The following RRP12 variants were observed in gnomAD, a reference collection of about 807,000 sequenced individuals.
RRP12 encodes RRP12-like protein.
A neutral mutation model predicts 157.3 loss-of-function variants in RRP12; 78 were observed. The observed-to-expected ratio is 0.50, with a 90% CI of 0.41 to 0.60. RRP12 has a LOEUF of 0.60. Among genes scored for constraint, RRP12 ranks in the 20% least tolerant of loss-of-function variants. The probability of loss-of-function intolerance (pLI) is 0.00; values close to 1 mark genes in which losing one functional copy is unlikely to be tolerated. For synonymous variants in RRP12, 726 were observed against 670.9 expected (o/e 1.08, Z -1.27); for missense variants, 1,521 against 1,679.9 (o/e 0.91, Z 1.65).
At position 97,397,103 on chromosome 10, in the gene RRP12, A is replaced by G. The variant is rs557964492; in HGVS notation, c.370-802T>C. 2.0e-5 allele frequency among the ~76,000 whole-genome samples: 3 copies of G among 151,946 alleles called. No homozygotes were observed. The East Asian group carries it at 5.9e-4, about 30-fold the overall frequency. ...AAATCATCTCTAGATTACTGGTAAC[A>G]CCTAACACAATGTAAATGCTATATA... On this transcript the variant is annotated intron_variant, in intron 2 of 33. Transcript: ENST00000370992.
At chr10:97,367,266 C>G (rs1277593404) in intron 25 of RRP12, 134 bp from the exon 26 acceptor site, 1 of 707,322 alleles carries the variant, frequency 1.4e-6, no homozygotes, top group Non-Finnish European at 2.4e-6. Context: ...GCTCCTGGCC[C>G]ACACCCTGGC....
intron 3 of RRP12, among the ~76,000 whole-genome samples, chr10:97,394,890 C>A (rs565596395): frequency 4.7e-4 from 72 of 152,026 alleles, no homozygotes; most frequent in African/African-American, 1.7e-3. Context: ...TGCCTGTAAT[C>A]CCAGCACTTT....
rs774473642 is a variant in RRP12 at position 97,371,086 on chromosome 10, C to G, written c.2344-5G>C. The G allele has an allele frequency of 6.2e-7, 1 of 1,612,698 alleles. No homozygotes were observed. Among genetic ancestry groups the G allele is most frequent in the African/African-American group, 1.3e-5 (1 of 74,916 alleles). On this transcript the variant is annotated splice_region_variant and splice_polypyrimidine_tract_variant and intron_variant, in intron 20 of 33. Coordinates refer to ENST00000370992, the MANE Select transcript of RRP12 (RefSeq NM_015179.4). ...CTGCACCCCGTGGGCCTTGCTCTGG[C>G]AGACAGGAACCGGTGAGGGAGGCCT...
At chr10:97,376,317 C>T (rs776224466) in intron 15 of RRP12, among the ~76,000 whole-genome samples, 3 of 142,864 alleles carry the variant, frequency 2.1e-5, no homozygotes, top group Non-Finnish European at 4.5e-5. Context: ...TGGGTGCAAA[C>T]GATTGTCCTG....
Position 97,381,833 on chromosome 10 carries a change from A to G in RRP12, c.1209-7T>C. ...CCCCAGGTCCCACTGCAACCTGTCAAGACAAAAGGTTTCTGTGGGGCCTGG... is the reference window on the plus strand; with the variant it reads ...CCCCAGGTCCCACTGCAACCTGTCAGGACAAAAGGTTTCTGTGGGGCCTGG... On this transcript the variant is annotated splice_polypyrimidine_tract_variant and splice_region_variant and intron_variant, in intron 10 of 33. Coordinates refer to ENST00000370992, the MANE Select transcript of RRP12 (RefSeq NM_015179.4). 6.2e-7 allele frequency: 1 copy of G among 1,610,884 alleles called. No individual in the cohort carries two copies. The highest frequency in any genetic ancestry group is 1.7e-5 in the Admixed American group (1 of 59,984).
rs773214919 is a variant in RRP12 at position 97,393,978 on chromosome 10, A to ATG, written c.454-219_454-218insCA. On this transcript the variant is annotated intron_variant, in intron 3 of 33. Transcript: ENST00000370992. ...TGTAAAGTAGGGATACTAATGCTAC[A>ATG]TACCTTATACGTTGTTGTGAGGTTT... Among the ~76,000 whole-genome samples, 4 of 152,310 alleles carry ATG rather than the reference A, an allele frequency of 2.6e-5. No individual in the cohort carries two copies. In the South Asian group the frequency reaches 8.3e-4, roughly 32 times the overall value.
chr10:97,390,918 AG>A, intron 4 of RRP12, 74 bp from the exon 5 acceptor site: 1 of 1,002,158 alleles, frequency 1.0e-6, no homozygotes, highest in Non-Finnish European at 1.6e-6. Flanking sequence ...CGTGGTACTA[AG>A]GAGGACAGGG....
intron 24 of RRP12, among the ~76,000 whole-genome samples, 159 bp from the exon 25 acceptor site, chr10:97,369,741 T>C (rs917635774): frequency 4.6e-5 from 7 of 152,252 alleles, no homozygotes; most frequent in African/African-American, 1.4e-4. Flanking sequence ...TGGAGTGGTC[T>C]TGGGTCCTTT....
chr10:97,375,440 C>T (rs539730638), intron 15 of RRP12, among the ~76,000 whole-genome samples: 77 of 152,078 alleles, frequency 5.1e-4, no homozygotes, highest in African/African-American at 1.8e-3. Flanking sequence ...TTAACTGGAA[C>T]CCTAATGAGA....
intron 15 of RRP12, among the ~76,000 whole-genome samples, chr10:97,376,554 C>G (rs1379733959): frequency 6.6e-6 from 1 of 152,094 alleles, no homozygotes. Context: ...TCTACAAGAT[C>G]ATGTGTGAAA....
At chr10:97,380,985 C>T (rs1844452490) in intron 12 of RRP12, 72 bp from the exon 13 acceptor site, 5 of 1,240,094 alleles carry the variant, frequency 4.0e-6, no homozygotes, top group Non-Finnish European at 4.7e-6. Flanking sequence ...AAGTCAACGG[C>T]CAGCACCCTG....
chr10:97,374,689 G>A (rs929713597), intron 15 of RRP12, among the ~76,000 whole-genome samples: 2 of 150,314 alleles, frequency 1.3e-5, no homozygotes, highest in Non-Finnish European at 2.9e-5. Flanking sequence ...GGAGAATGGA[G>A]TGAACCCGGG....
At chr10:97,377,129 C>G (rs953376984) in intron 15 of RRP12, among the ~76,000 whole-genome samples, 1 of 152,044 alleles carries the variant, frequency 6.6e-6, no homozygotes, top group African/African-American at 2.4e-5. Flanking sequence ...ATCCACCCAC[C>G]TCGGCCTCCC....
intron 27 of RRP12, 50 bp downstream of exon 27, chr10:97,366,692 G>A (rs748317724): frequency 6.2e-7 from 1 of 1,601,004 alleles, no homozygotes; most frequent in Non-Finnish European, 8.5e-7. Flanking sequence ...GCCTGGGCAG[G>A]CCCTTGGGTT....
chr10:97,360,594 G>C lies in RRP12; in HGVS notation c.3592C>G (p.Gln1198Glu), dbSNP rs139693923. The C allele has an allele frequency of 6.8e-6, 11 of 1,613,850 alleles. No individual in the cohort carries two copies. Among genetic ancestry groups the C allele is most frequent in the Non-Finnish European group, 9.3e-6 (11 of 1,179,896 alleles). ...RNKKHQKLKH[Q>E]KEAEEEELEI... ...AGCTCCTCCTCCTCAGCCTCTTTCT[G>C]GTGCTTGAGCTTCTGGTGCTTTTTC... Residue 1198 changes from glutamine to glutamate, a missense_variant, in exon 31 of 34, where the codon CAG becomes GAG. Transcript: ENST00000370992.
At chr10:97,371,150 C>T in intron 20 of RRP12, 69 bp from the exon 21 acceptor site, 1 of 1,514,566 alleles carries the variant, frequency 6.6e-7, no homozygotes, top group Non-Finnish European at 9.0e-7. Flanking sequence ...ACGGAGCATC[C>T]CCCAGCACTG....
intron 30 of RRP12, among the ~76,000 whole-genome samples, chr10:97,362,304 A>G (rs566734188): frequency 6.4e-4 from 98 of 152,230 alleles, no homozygotes; most frequent in Non-Finnish European, 1.3e-3. Context: ...CTCCCCGGCC[A>G]GGGAGAGGAG....
Position 97,385,215 on chromosome 10 carries a change from G to A in RRP12, c.1159C>T (p.Leu387=), listed in dbSNP as rs1844593749. ...YVPSENDLQP[L]LAWLKVMEKA... ...TCCATGACCTTAAGCCAGGCTAGCA[G>A]GGGTTGTAAATCATTCTCACTGGGA... The change falls in exon 10 of 34, where the codon CTG becomes TTG. Residue 387 remains leucine, a synonymous_variant. Transcript: ENST00000370992. 3 of 1,614,138 alleles carry A rather than the reference G, an allele frequency of 1.9e-6. No homozygotes were observed. Among genetic ancestry groups the A allele is most frequent in the Non-Finnish European group, 2.5e-6 (3 of 1,179,994 alleles).
Position 97,385,986 on chromosome 10 carries a change from G to A in RRP12, c.1025C>T (p.Thr342Ile). ...GTGAAAGGCCTGCATGGCACAGGCT[G>A]TCACCAGCTGGAGGGGGACACACAG... The part of the protein sequence containing the change: ...RVMTLSHVLV[T>I]ACAMQAFHSL... The change falls in exon 9 of 34, where the codon ACA (threonine) becomes ATA (isoleucine). Residue 342 changes from threonine to isoleucine, a missense_variant. By Grantham distance (89) the Thr-to-Ile change is moderately conservative (BLOSUM62 -1). Transcript: ENST00000370992. The A allele has an allele frequency of 5.7e-6, 9 of 1,591,858 alleles. No homozygotes were observed. The highest frequency in any genetic ancestry group is 6.8e-6 in the Non-Finnish European group (8 of 1,168,644).
Sources: allele counts gnomAD v4.1 joint callset (sites outside exome capture counted in the v4.1 genomes callset), GRCh38; gene constraint gnomAD v4.1.1; transcripts MANE v1.5; gene names NCBI Gene and HGNC (gene_info 2026-07-23, HGNC 2026-07-21).